Variants in SLC25A23 observed in about 807,000 individuals in gnomAD.
The protein encoded by SLC25A23 is mitochondrial adenyl nucleotide antiporter SLC25A23.
In SLC25A23, 32 loss-of-function variants were observed where a neutral mutation model predicts 53.9. The ratio of observed to expected loss-of-function variants is 0.59; its 90% confidence interval spans 0.45 to 0.80. The LOEUF is 0.80. Ranked by LOEUF, SLC25A23 falls within the 30% of genes least tolerant of loss-of-function variation. The probability of loss-of-function intolerance (pLI) is 0.00; values close to 1 mark genes in which losing one functional copy is unlikely to be tolerated. For missense variants in SLC25A23, 575 were observed against 651.4 expected, an observed-to-expected ratio of 0.88 and a Z score of 1.28; for synonymous variants, 275 against 264.5, an observed-to-expected ratio of 1.04 and a Z score of -0.38.
chr19:6,457,373 G>C (rs1000641123), intron 3 of SLC25A23, 130 bp downstream of exon 3: 3 of 805,054 alleles, frequency 3.7e-6, no homozygotes, highest in Non-Finnish European at 6.1e-6. Flanking sequence ...GGCCAGATCT[G>C]TCTGACTTCA....
intron 8 of SLC25A23, among the ~76,000 whole-genome samples, chr19:6,449,499 C>T (rs2092555745): frequency 6.6e-6 from 1 of 152,026 alleles, no homozygotes; most frequent in Admixed American, 6.6e-5. Flanking sequence ...ACTGCAAGCT[C>T]CGCTTCCCAG....
chr19:6,455,945 G>A (rs1010352236), intron 4 of SLC25A23: 4 of 1,096,038 alleles, frequency 3.6e-6, no homozygotes, highest in East Asian at 6.0e-5. Context: ...GGTCGCGATC[G>A]CCTGACCTCG....
At chr19:6,439,397 TCTCACACACACACA>T (rs891400135), downstream of SLC25A23, among the ~76,000 whole-genome samples, 6 of 104,136 alleles carry the variant, frequency 5.8e-5, no homozygotes, top group African/African-American at 1.6e-4. Context: ...TCTCTCTCTC[TCTCACACACACACA>T]CACACACACA....
intron 9 of SLC25A23, among the ~76,000 whole-genome samples, chr19:6,442,571 G>A (rs534706506): frequency 3.2e-4 from 48 of 152,202 alleles, no homozygotes; most frequent in African/African-American, 1.1e-3. Context: ...TTTTTTAGAC[G>A]GAGTTTCGCT....
chr19:6,458,494 T>C lies in SLC25A23; in HGVS notation c.157-170A>G, dbSNP rs111451254. Among the ~76,000 whole-genome samples, 855 of 152,236 alleles carry C rather than the reference T, an allele frequency of 5.6e-3. 9 individuals carry two copies. Among genetic ancestry groups the C allele is most frequent in the African/African-American group, 0.02 (819 of 41,536 alleles). ...TCAGCTAACTTCTCAGCCAGATCCC[T>C]ACAGCCACCACAGGTCTGTGCGGTG... On this transcript the variant is annotated intron_variant, in intron 1 of 9. Transcript: ENST00000301454.
At chr19:6,443,514 C>T in intron 9 of SLC25A23, 1 of 685,952 alleles carries the variant, frequency 1.5e-6, no homozygotes, top group Non-Finnish European at 2.7e-6. Context: ...AGATGTGAGC[C>T]ACTGTGCCCG....
Position 6,440,808 on chromosome 19 carries a change from T to A in SLC25A23, c.*1167A>T, listed in dbSNP as rs2092410356. 1.3e-5 allele frequency: 2 copies of A among 152,102 alleles called. No homozygotes were observed. Among genetic ancestry groups the A allele is most frequent in the East Asian group, 3.9e-4 (2 of 5,170 alleles). The allele number at this position is 152,102 out of a possible 1,614,324, so 9.4% of individuals were successfully genotyped here. A position where few individuals can be genotyped will look rare whatever the true frequency, so the allele number is the denominator to read the frequency against. On this transcript the variant is annotated 3_prime_UTR_variant, in exon 10 of 10. Transcript: ENST00000301454. ...ATGAGAAGCCGGCTCTGGGCACCAG[T>A]GTGTGTGGGATACTCTGTGACTGGG...
At chr19:6,449,564 G>A (rs878942904) in intron 8 of SLC25A23, among the ~76,000 whole-genome samples, 4 of 151,842 alleles carry the variant, frequency 2.6e-5, no homozygotes, top group African/African-American at 9.7e-5. Context: ...ACAGGTGCCC[G>A]CCACCATGCC....
rs1005651266 is a variant in SLC25A23, at chr19:6,459,701, C to A, written c.-73G>T. ...GGGGGCTTCGCGGCTCCCCCTCCCC[C>A]CCCGGGACCCCGCAGGGTCAGCTCC... On this transcript the variant is annotated 5_prime_UTR_variant, in exon 1 of 10. Coordinates refer to ENST00000301454, the MANE Select transcript of SLC25A23 (RefSeq NM_024103.3). This position sits in a 1 kb window ranked among gnomAD's most constrained non-coding sequence, Gnocchi z 4.6. 1.5e-5 allele frequency: 18 copies of A among 1,197,654 alleles called. No individual in the cohort carries two copies. Among genetic ancestry groups the A allele is most frequent in the African/African-American group, 9.6e-5 (6 of 62,492 alleles). 74.2% of individuals were successfully genotyped at this position (1,197,654 alleles called of 1,614,324 possible). A position where few individuals can be genotyped will look rare whatever the true frequency, so the allele number is the denominator to read the frequency against.
At chr19:6,456,011 G>GAA (rs1568376812) in intron 4 of SLC25A23, 4 of 1,297,288 alleles carry the variant, frequency 3.1e-6, no homozygotes, top group Non-Finnish European at 4.0e-6. Context: ...GAGCCACTGC[G>GAA]CCTGGCCAAG....
chr19:6,457,327 A>C (rs1354604277), intron 3 of SLC25A23, among the ~76,000 whole-genome samples, 176 bp downstream of exon 3: 1 of 151,948 alleles, frequency 6.6e-6, no homozygotes, highest in Non-Finnish European at 1.5e-5. Context: ...TCAGCCTCCC[A>C]AAGTGCTGGG....
chr19:6,456,237 A>G, intron 4 of SLC25A23, 183 bp downstream of exon 4: 1 of 974,758 alleles, frequency 1.0e-6, no homozygotes, highest in African/African-American at 1.6e-5. Flanking sequence ...GATGTCCCAA[A>G]TGGGACCCTT....
chr19:6,457,532 C>A lies in SLC25A23; in HGVS notation c.342G>T (p.Ser114=). 6.2e-7 allele frequency: 1 copy of A among 1,614,030 alleles called. No homozygotes were observed. The highest frequency in any genetic ancestry group is 8.5e-7 in the Non-Finnish European group (1 of 1,180,016). Residue 114 remains serine (S), a synonymous_variant, in exon 3 of 10, where the codon TCG becomes TCT. Coordinates refer to ENST00000301454, the MANE Select transcript of SLC25A23 (RefSeq NM_024103.3). ...GCAAAATTTTCTCAGCCTGCTCCAG[C>A]GAGATGGAAATGCCCAGAGCTCGGA... is the stretch of plus-strand genomic sequence containing the variant. ...QSFRALGISI[S]LEQAEKILHS...
At chr19:6,447,115 G>A (rs2092516313) in intron 8 of SLC25A23, among the ~76,000 whole-genome samples, 1 of 152,172 alleles carries the variant, frequency 6.6e-6, no homozygotes, top group South Asian at 2.1e-4. Context: ...CTCTGGAACT[G>A]TGAGACAATA....
chr19:6,442,207 C>G (rs1274162766), intron 9 of SLC25A23, 48 bp from the exon 10 acceptor site: 1 of 1,341,946 alleles, frequency 7.5e-7, no homozygotes, highest in African/African-American at 1.5e-5. Flanking sequence ...GTTCCCCTTT[C>G]ACTTCCCCCT....
chr19:6,443,679 C>G (rs1264817989), intron 9 of SLC25A23: 8 of 692,504 alleles, frequency 1.2e-5, no homozygotes, highest in Non-Finnish European at 1.8e-5. Flanking sequence ...TCACAAAACA[C>G]AAACACTAAA....
chr19:6,459,229 C>T lies in SLC25A23; in HGVS notation c.156+244G>A, dbSNP rs924111916. Among the ~76,000 whole-genome samples, 1 of 152,176 alleles carries T rather than the reference C, an allele frequency of 6.6e-6. No individual in the cohort carries two copies. The highest frequency in any genetic ancestry group is 1.5e-5 in the Non-Finnish European group (1 of 68,028). ...CCCCATCTCTTCCCAGGCAGACGCC[C>T]CCTGCCCCGCAGCAGGGGGATCGGG... On this transcript the variant is annotated intron_variant, in intron 1 of 9. Coordinates refer to ENST00000301454, the MANE Select transcript of SLC25A23 (RefSeq NM_024103.3). This position sits in a 1 kb window ranked among gnomAD's most constrained non-coding sequence, Gnocchi z 4.6.
Position 6,458,239 on chromosome 19 carries a change from C to A in SLC25A23, c.242G>T (p.Arg81Leu). The A allele has an allele frequency of 6.2e-7, 1 of 1,613,682 alleles. No individual in the cohort carries two copies. Among genetic ancestry groups the A allele is most frequent in the South Asian group, 1.1e-5 (1 of 91,084 alleles). The change falls in exon 2 of 10, where the codon CGT becomes CTT. Residue 81 changes from arginine (R) to leucine (L), a missense_variant. Coordinates refer to ENST00000301454, the MANE Select transcript of SLC25A23 (RefSeq NM_024103.3). ...FSRYLQEREQ[R>L]LLLMFHSLDR... ...AAGACTGTGAAACATGAGCAGCAGA[C>A]GCTGTTCCCGCTCCTGCAGATAGCG...
downstream of SLC25A23, among the ~76,000 whole-genome samples, chr19:6,437,278 G>C (rs11085173): frequency 0.032 from 4,844 of 152,132 alleles, 242 homozygotes; most frequent in African/African-American, 0.11. Flanking sequence ...AAAGTGCTGG[G>C]TTTACAGATA....
Sources: allele counts gnomAD v4.1 joint callset (sites outside exome capture counted in the v4.1 genomes callset), GRCh38; gene constraint gnomAD v4.1.1; non-coding constraint Gnocchi (gnomAD v3.1); transcripts MANE v1.5; gene names NCBI Gene and HGNC (gene_info 2026-07-23, HGNC 2026-07-21).